The following MOCS1 variants were observed in gnomAD, a reference collection of about 807,000 sequenced individuals.
MOCS1 encodes molybdenum cofactor synthesis 1.
A neutral mutation model predicts 57.6 loss-of-function variants in MOCS1; 39 were observed. The ratio of observed to expected loss-of-function variants is 0.68; its 90% CI spans 0.52 to 0.88. The LOEUF (loss-of-function observed/expected upper bound fraction) is 0.88. Ranked by LOEUF, MOCS1 falls within the 40% of genes least tolerant of loss-of-function variation. The probability of loss-of-function intolerance (pLI) is 0.00; values close to 1 mark genes in which losing one functional copy is unlikely to be tolerated. For synonymous variants in MOCS1, 334 were observed against 335.7 expected (o/e 1.00, Z 0.05); for missense variants, 795 against 831.1 (o/e 0.96, Z 0.53).
rs112129067 is a variant in MOCS1, at chr6:39,906,030, C to T, written c.*327G>A. 107 of 533,666 alleles carry T rather than the reference C, an allele frequency of 2.0e-4. No individual in the cohort carries two copies. The highest frequency in any genetic ancestry group is 5.2e-4 in the Middle Eastern group (1 of 1,924). The allele number at this position is 533,666 out of a possible 1,614,324, so 33.1% of individuals were successfully genotyped here. A position where few individuals can be genotyped will look rare whatever the true frequency, so the allele number is the denominator to read the frequency against. On this transcript the variant is annotated 3_prime_UTR_variant, in exon 11 of 11. Transcript: ENST00000340692. ...AAGGAAAAGTTCTGGGCTGGACTGT[C>T]GGAACCTGGTTGTCTGAAATAGTCC...
At chr6:39,929,203 G>A (rs919890459) in intron 1 of MOCS1, among the ~76,000 whole-genome samples, 5 of 152,184 alleles carry the variant, frequency 3.3e-5, no homozygotes, top group Non-Finnish European at 5.9e-5. Context: ...CCTGTGGGGA[G>A]TAAGCAGCAG....
Position 39,912,357 on chromosome 6 carries a change from G to A in MOCS1, c.888C>T (p.Gly296=), listed in dbSNP as rs1477345755. 6.2e-7 allele frequency: 1 copy of A among 1,614,048 alleles called. No individual in the cohort carries two copies. ...SSTAKAFKIP[G]FQGQISFITS... ...TGATGAAGCTGATCTGGCCTTGGAA[G>A]CCAGGGATTTTAAAGGCCTGGGCAG... The change falls in exon 8 of 11, where the codon GGC becomes GGT. Residue 296 remains glycine, a synonymous_variant. Coordinates refer to ENST00000340692, the MANE Select transcript of MOCS1 (RefSeq NM_001358530.2).
At chr6:39,924,566 C>G (rs369254474) in intron 3 of MOCS1, among the ~76,000 whole-genome samples, 1 of 152,140 alleles carries the variant, frequency 6.6e-6, no homozygotes, top group Non-Finnish European at 1.5e-5. Flanking sequence ...CTGTGGAAGT[C>G]CAGATAGTAA....
chr6:39,921,897 C>T (rs1215911809), intron 3 of MOCS1, among the ~76,000 whole-genome samples: 1 of 152,102 alleles, frequency 6.6e-6, no homozygotes, highest in African/African-American at 2.4e-5. Flanking sequence ...GCCTAGTACT[C>T]AATAGTTATT....
chr6:39,932,569 C>T (rs1353444630), intron 1 of MOCS1: 1 of 152,244 alleles, frequency 6.6e-6, no homozygotes, highest in Non-Finnish European at 1.5e-5. Flanking sequence ...GCGTTAAGCG[C>T]TTGTGGGGAT....
rs111409017 is a variant in MOCS1, at chr6:39,916,062, G to T, written c.583+6C>A. On this transcript the variant is annotated splice_donor_region_variant and intron_variant, in intron 4 of 10. Transcript: ENST00000340692. ...AGGGACACCCACCCCATCCACATCC[G>T]CTCACCTTTCCTGCGGACAATGAAC... is the stretch of plus-strand genomic sequence containing the variant. 6.2e-7 allele frequency: 1 copy of T among 1,601,718 alleles called. No homozygotes were observed. The highest frequency in any genetic ancestry group is 1.7e-5 in the Admixed American group (1 of 58,628).
chr6:39,909,759 C>CCCACA, intron 9 of MOCS1, 76 bp downstream of exon 9: 7 of 1,595,634 alleles, frequency 4.4e-6, no homozygotes, highest in Non-Finnish European at 6.0e-6. Flanking sequence ...GTCATCTCAC[C>CCCACA]CCACAACTCC....
intron 9 of MOCS1, among the ~76,000 whole-genome samples, chr6:39,909,366 G>C (rs1767175035): frequency 6.6e-6 from 1 of 151,322 alleles, no homozygotes; most frequent in South Asian, 2.1e-4. Flanking sequence ...AGAGGGACAG[G>C]GCGGGGAGAG....
In MOCS1 at chr6:39,904,715, A is replaced by G. The variant is rs920229454; in HGVS notation, c.*1642T>C. The G allele has an allele frequency of 3.1e-5, 14 of 454,014 alleles. No homozygotes were observed. Among genetic ancestry groups the G allele is most frequent in the African/African-American group, 2.4e-4 (12 of 50,010 alleles). 28.1% of individuals were successfully genotyped at this position (454,014 alleles called of 1,614,324 possible). A position where few individuals can be genotyped will look rare whatever the true frequency, so the allele number is the denominator to read the frequency against. ...CTATCTATCTCCCCCGACTTCTACC[A>G]GGGATGCCTTCACGCCAAGGCTGTT... On this transcript the variant is annotated 3_prime_UTR_variant, in exon 11 of 11. Transcript: ENST00000340692.
chr6:39,918,433 A>G (rs1463392241), intron 3 of MOCS1, among the ~76,000 whole-genome samples: 1 of 152,270 alleles, frequency 6.6e-6, no homozygotes, highest in Non-Finnish European at 1.5e-5. Flanking sequence ...GAAGTTGTAC[A>G]TGAATTTTTA....
At chr6:39,919,569 T>C (rs1045493104) in intron 3 of MOCS1, among the ~76,000 whole-genome samples, 3 of 151,316 alleles carry the variant, frequency 2.0e-5, no homozygotes, top group Non-Finnish European at 4.4e-5. Context: ...TGGTCAAGCC[T>C]TAGTATATGT....
In MOCS1 at chr6:39,927,622, G is replaced by A. The variant is rs189991561; in HGVS notation, c.124-167C>T. On this transcript the variant is annotated intron_variant, in intron 1 of 10. Transcript: ENST00000340692. The stretch of plus-strand genomic sequence containing the variant: ...TGGGGAAGCTGGGATTGTCCCTCTC[G>A]TTGAGAAATCAGCTTGATGGGAAGG... 359 of 1,598,018 alleles carry A rather than the reference G, an allele frequency of 2.2e-4. 1 individual carries two copies. The East Asian group carries it at 4.0e-3, about 18-fold the overall frequency.
intron 2 of MOCS1, 188 bp downstream of exon 2, chr6:39,927,141 C>G (rs1315491342): frequency 9.7e-6 from 6 of 618,636 alleles, no homozygotes; most frequent in Admixed American, 5.9e-5. Flanking sequence ...CTTCTATAAT[C>G]ATACAACTCA....
chr6:39,905,595 C>CTGATGA lies in MOCS1; in HGVS notation c.*761_*762insTCATCA. 2.1e-6 allele frequency: 1 copy of CTGATGA among 471,152 alleles called. No homozygotes were observed. The highest frequency in any genetic ancestry group is 1.5e-5 in the South Asian group (1 of 64,570). 29.2% of individuals were successfully genotyped at this position (471,152 alleles called of 1,614,324 possible). A position where few individuals can be genotyped will look rare whatever the true frequency, so the allele number is the denominator to read the frequency against. ...CAATCTATCATCAACTTTTCTTTCC[C>CTGATGA]TGATATGCTCCAGAATAAAGAGGGG... is the stretch of plus-strand genomic sequence containing the variant. On this transcript the variant is annotated 3_prime_UTR_variant, in exon 11 of 11. Transcript: ENST00000340692.
At chr6:39,911,425 A>G (rs1048871481) in intron 8 of MOCS1, among the ~76,000 whole-genome samples, 1 of 152,062 alleles carries the variant, frequency 6.6e-6, no homozygotes, top group African/African-American at 2.4e-5. Flanking sequence ...CCTTCAATTC[A>G]CACTCTAACA....
Position 39,906,169 on chromosome 6 carries a change from G to GC in MOCS1, c.*187dup. 1.3e-6 allele frequency: 1 copy of GC among 778,224 alleles called. No individual in the cohort carries two copies. 48.2% of individuals were successfully genotyped at this position (778,224 alleles called of 1,614,324 possible). A position where few individuals can be genotyped will look rare whatever the true frequency, so the allele number is the denominator to read the frequency against. ...CTGGTATCCTCCCTATAGAAAGGAA[G>GC]CCCCATTGGTCATTAGAGATCATCT... On this transcript the variant is annotated 3_prime_UTR_variant, in exon 11 of 11. Coordinates refer to ENST00000340692, the MANE Select transcript of MOCS1 (RefSeq NM_001358530.2).
At chr6:39,927,863 C>T (rs182251673) in intron 1 of MOCS1, 27 of 777,752 alleles carry the variant, frequency 3.5e-5, no homozygotes, top group Middle Eastern at 4.7e-4. Context: ...GGCCCAAACC[C>T]GTCCTGCAGA....
chr6:39,925,782 T>C lies in MOCS1; in HGVS notation c.314A>G (p.Glu105Gly). Residue 105 changes from glutamate (E) to glycine (G), a missense_variant, in exon 3 of 11, where the codon GAG (glutamate) becomes GGG (glycine). Physicochemically the swap from Glu to Gly is moderately conservative, Grantham distance 98. Around this residue, in one of 3 missense-constraint regions of MOCS1, gnomAD observed 416 missense variants for 392.4 expected, o/e 1.06. Transcript: ENST00000340692. The stretch of plus-strand genomic sequence containing the variant: ...GAGCCGGGCGAGGGTCAGGATCTCC[T>C]CTGTGGTCAGCAGGTTGGCTTTGGG... The part of the protein sequence containing the change: ...LTPKANLLTT[E>G]EILTLARLFV... 1 of 1,612,818 alleles carries C rather than the reference T, an allele frequency of 6.2e-7. No homozygotes were observed. The highest frequency in any genetic ancestry group is 1.3e-5 in the African/African-American group (1 of 75,042).
chr6:39,906,725 C>G lies in MOCS1; in HGVS notation c.1543G>C (p.Gly515Arg). Residue 515 changes from glycine to arginine, a missense_variant, in exon 11 of 11, where the codon GGA becomes CGA. Coordinates refer to ENST00000340692, the MANE Select transcript of MOCS1 (RefSeq NM_001358530.2). The part of the protein sequence containing the change: ...VAVASAVVLL[G>R]PVAFKLVQQN... ...TGGACAAGCTTGAAGGCTACCGGTC[C>G]CAGGAGGACCACGGCTGAAGCCACA... 4 of 1,614,178 alleles carry G rather than the reference C, an allele frequency of 2.5e-6. No individual in the cohort carries two copies. The highest frequency in any genetic ancestry group is 3.4e-6 in the Non-Finnish European group (4 of 1,180,050).
Sources: gnomAD v4.1 joint callset for allele counts (sites outside exome capture counted in the v4.1 genomes callset) on GRCh38, gnomAD v4.1.1 for gene constraint, gnomAD v4.1.1 regional missense constraint, MANE v1.5 for transcripts, NCBI Gene and HGNC (gene_info 2026-07-23, HGNC 2026-07-21) for gene names.